Variants in RNF182 observed in about 807,000 individuals in gnomAD.
RNF182 encodes the protein ring finger protein 182.
A neutral mutation model predicts 14.4 loss-of-function variants in RNF182; 15 were observed. The ratio of observed to expected loss-of-function variants is 1.04; its 90% CI spans 0.70 to 1.60. The LOEUF (loss-of-function observed/expected upper bound fraction) is 1.60, where lower values mean the gene tolerates loss of function less well. Among genes scored for constraint, RNF182 ranks in the 40% most tolerant of loss-of-function variants. The probability of loss-of-function intolerance (pLI) is 0.00; values close to 1 mark genes in which losing one functional copy is unlikely to be tolerated. For synonymous variants in RNF182, 128 were observed against 122.9 expected (o/e 1.04, Z -0.27); for missense variants, 268 against 294.8 (o/e 0.91, Z 0.67).
At chr6:13,931,917 C>T (rs909609923) in intron 1 of RNF182, among the ~76,000 whole-genome samples, 1 of 152,100 alleles carries the variant, frequency 6.6e-6, no homozygotes, top group Non-Finnish European at 1.5e-5. Context: ...AGTATTAGTG[C>T]CCTTATAAAA....
Position 13,979,224 on chromosome 6 carries a change from TAAG to T in RNF182, c.*1367_*1369del, listed in dbSNP as rs937961793. 7 of 166,526 alleles carry T rather than the reference TAAG, an allele frequency of 4.2e-5. No homozygotes were observed. The highest frequency in any genetic ancestry group is 1.5e-4 in the African/African-American group (6 of 41,352). 10.3% of individuals were successfully genotyped at this position (166,526 alleles called of 1,614,324 possible). On this transcript the variant is annotated 3_prime_UTR_variant, in exon 3 of 3. Coordinates refer to ENST00000488300, the MANE Select transcript of RNF182 (RefSeq NM_152737.4). ...AGGGAAAGTTGAATGTATATATTTC[TAAG>T]AAGAATTTGTTTAGCAGATTACAAG...
chr6:13,947,033 A>G (rs963819689), intron 1 of RNF182, among the ~76,000 whole-genome samples: 2 of 137,024 alleles, frequency 1.5e-5, no homozygotes, highest in African/African-American at 5.3e-5. Context: ...TACAACTGTA[A>G]AGCGAAATCA....
rs570398596 is a variant in RNF182 at position 13,967,650 on chromosome 6, G to A, written c.-366-6560G>A. On this transcript the variant is annotated intron_variant, in intron 1 of 2. Transcript: ENST00000488300. ...GATTTTGTTCTCTGATCATAATCCCGTACTATTAGAAATTACATATGGCAA... is the reference window on the plus strand; with the variant it reads ...GATTTTGTTCTCTGATCATAATCCCATACTATTAGAAATTACATATGGCAA... Among the ~76,000 whole-genome samples the A allele has an allele frequency of 8.9e-4, 135 of 152,072 alleles. 1 individual carries two copies. Among genetic ancestry groups the A allele is most frequent in the African/African-American group, 2.9e-3 (121 of 41,480 alleles).
At chr6:13,943,402 T>A (rs1161066000) in intron 1 of RNF182, among the ~76,000 whole-genome samples, 1 of 152,146 alleles carries the variant, frequency 6.6e-6, no homozygotes, top group Admixed American at 6.6e-5. Flanking sequence ...ATTAGAGGCC[T>A]GAGCCACTGT....
At chr6:13,948,600 A>T (rs757400142) in intron 1 of RNF182, among the ~76,000 whole-genome samples, 2 of 152,198 alleles carry the variant, frequency 1.3e-5, no homozygotes, top group Admixed American at 6.5e-5. Context: ...AGGGGACCTA[A>T]TATCTAAAAG....
chr6:13,968,798 G>A (rs756071330), intron 1 of RNF182, among the ~76,000 whole-genome samples: 4 of 152,184 alleles, frequency 2.6e-5, no homozygotes, highest in Non-Finnish European at 5.9e-5. Context: ...ATGTGTACAT[G>A]TGCATGCATG....
upstream of RNF182, chr6:13,924,646 G>A (rs369542715): frequency 2.6e-5 from 4 of 152,314 alleles, no homozygotes; most frequent in African/African-American, 9.7e-5. Flanking sequence ...TGTCCAGTGT[G>A]GGGAAGCAAA....
chr6:13,952,106 G>GGA (rs890545192), intron 1 of RNF182, among the ~76,000 whole-genome samples: 5 of 151,658 alleles, frequency 3.3e-5, no homozygotes, highest in Middle Eastern at 3.4e-3. Context: ...TAAAGAGACA[G>GGA]GAGAGAGAGA....
intron 1 of RNF182, among the ~76,000 whole-genome samples, chr6:13,942,886 A>G (rs970802962): frequency 3.3e-5 from 5 of 151,724 alleles, no homozygotes; most frequent in Admixed American, 3.3e-4. Context: ...TTTTTATTTT[A>G]TTTTGTTAGG....
chr6:13,955,575 G>A (rs545866742), intron 1 of RNF182, among the ~76,000 whole-genome samples: 10 of 152,304 alleles, frequency 6.6e-5, no homozygotes, highest in African/African-American at 1.9e-4. Flanking sequence ...CTTAGGCCCT[G>A]TGGGTACACA....
At position 13,979,774 on chromosome 6, in the gene RNF182, T is replaced by C. The variant is rs1760445515; in HGVS notation, c.*1911T>C. On this transcript the variant is annotated 3_prime_UTR_variant, in exon 3 of 3. Transcript: ENST00000488300. Reference sequence around the variant, plus strand: ...TTATATAATGAGATTTCTAGAAAGCTCTGGACATGGGTACGATGTGTTTTG... The same window carrying C: ...TTATATAATGAGATTTCTAGAAAGCCCTGGACATGGGTACGATGTGTTTTG... 1 of 167,052 alleles carries C rather than the reference T, an allele frequency of 6.0e-6. No individual in the cohort carries two copies. Among genetic ancestry groups the C allele is most frequent in the Non-Finnish European group, 1.5e-5 (1 of 68,102 alleles). 10.3% of individuals were successfully genotyped at this position (167,052 alleles called of 1,614,324 possible). A position where few individuals can be genotyped will look rare whatever the true frequency, so the allele number is the denominator to read the frequency against.
At chr6:13,940,073 G>A (rs974334563) in intron 1 of RNF182, among the ~76,000 whole-genome samples, 3 of 152,070 alleles carry the variant, frequency 2.0e-5, no homozygotes, top group Non-Finnish European at 2.9e-5. Flanking sequence ...AATGGTGATA[G>A]CATGTACTTT....
At position 13,976,956 on chromosome 6, in the gene RNF182, G is replaced by A; in HGVS notation, c.-164G>A. The A allele has an allele frequency of 1.4e-6, 1 of 717,648 alleles. No homozygotes were observed. Among genetic ancestry groups the A allele is most frequent in the East Asian group, 2.5e-5 (1 of 40,478 alleles). The allele number at this position is 717,648 out of a possible 1,614,324, so 44.5% of individuals were successfully genotyped here. A position where few individuals can be genotyped will look rare whatever the true frequency, so the allele number is the denominator to read the frequency against. ...ATATGCGTTTGAGACAGAGTTATATGCAGAAGTTGAAAATGCCTGGAAGAT... is the reference window on the plus strand; with the variant it reads ...ATATGCGTTTGAGACAGAGTTATATACAGAAGTTGAAAATGCCTGGAAGAT... On this transcript the variant is annotated 5_prime_UTR_variant, in exon 3 of 3. The change abolishes an upstream ATG in the 5' untranslated region. Coordinates refer to ENST00000488300, the MANE Select transcript of RNF182 (RefSeq NM_152737.4).
At chr6:13,947,796 A>T (rs1425133122) in intron 1 of RNF182, among the ~76,000 whole-genome samples, 12 of 152,234 alleles carry the variant, frequency 7.9e-5, no homozygotes. Flanking sequence ...GTTTGTTTAC[A>T]TTTGAAAGCA....
intron 1 of RNF182, among the ~76,000 whole-genome samples, chr6:13,971,611 C>T (rs1401465915): frequency 2.6e-5 from 4 of 152,196 alleles, no homozygotes; most frequent in Admixed American, 1.3e-4. Flanking sequence ...AAAATGTGGG[C>T]AAGTTTGGAA....
chr6:13,938,269 G>A (rs527835505), intron 1 of RNF182, among the ~76,000 whole-genome samples: 5 of 140,730 alleles, frequency 3.6e-5, no homozygotes, highest in South Asian at 2.3e-4. Flanking sequence ...TGCCAACCTC[G>A]CCCTCCCAAA....
chr6:13,951,204 T>C (rs1247875988), intron 1 of RNF182, among the ~76,000 whole-genome samples: 2 of 152,212 alleles, frequency 1.3e-5, no homozygotes, highest in Admixed American at 1.3e-4. Flanking sequence ...ATAGTTATAA[T>C]ATTTTTTATT....
chr6:13,939,105 G>GT (rs1215112339), intron 1 of RNF182, among the ~76,000 whole-genome samples: 2 of 152,152 alleles, frequency 1.3e-5, no homozygotes, highest in African/African-American at 4.8e-5. Context: ...ACCAAAAAGT[G>GT]TTTTACATTG....
At chr6:13,968,104 C>T (rs1325915888) in intron 1 of RNF182, among the ~76,000 whole-genome samples, 1 of 151,960 alleles carries the variant, frequency 6.6e-6, no homozygotes, top group Non-Finnish European at 1.5e-5. Flanking sequence ...AAGATAAAAG[C>T]TGAAATTAAT....
Sources: gnomAD v4.1 joint callset for allele counts (sites outside exome capture counted in the v4.1 genomes callset) on GRCh38, gnomAD v4.1.1 for gene constraint, MANE v1.5 for transcripts, NCBI Gene and HGNC (gene_info 2026-07-23, HGNC 2026-07-21) for gene names.